Variants in CDIN1 observed in about 807,000 individuals in gnomAD.
CDIN1 encodes the protein CDAN1 interacting nuclease 1.
Under a neutral mutation model 45.3 loss-of-function variants are expected in CDIN1, and 33 were observed. The observed-to-expected ratio is 0.73, with a 90% confidence interval of 0.55 to 0.97. CDIN1 has a LOEUF of 0.97. CDIN1 is among the 50% of genes least tolerant of loss of function. The pLI is 0.00. For missense variants in CDIN1, 303 were observed against 339.4 expected, an observed-to-expected ratio of 0.89 and a Z score of 0.84; for synonymous variants, 118 against 124.4, an observed-to-expected ratio of 0.95 and a Z score of 0.34.
At chr15:36,802,806 T>A (rs933678495) in intron 10 of CDIN1, among the ~76,000 whole-genome samples, 5 of 152,176 alleles carry the variant, frequency 3.3e-5, no homozygotes, top group African/African-American at 1.2e-4. Context: ...CTGTCCAACA[T>A]TCGCAATCTG....
At chr15:36,661,469 C>T (rs990979451) in intron 5 of CDIN1, among the ~76,000 whole-genome samples, 1 of 151,890 alleles carries the variant, frequency 6.6e-6, no homozygotes, top group Non-Finnish European at 1.5e-5. Flanking sequence ...ATTTAAGTGT[C>T]AAAGTATCAA....
At position 36,781,620 on chromosome 15, in the gene CDIN1, G is replaced by T. The variant is rs118012483; in HGVS notation, c.717-26704G>T. Among the ~76,000 whole-genome samples, 11 of 152,342 alleles carry T rather than the reference G, an allele frequency of 7.2e-5. No individual in the cohort carries two copies. The East Asian group carries it at 1.9e-3, about 27-fold the overall frequency. ...TTTTGAAAATAAAACAGTAATAAGA[G>T]ATTTAGCACAGATATCCTTTTCAGT... On this transcript the variant is annotated intron_variant, in intron 10 of 10. Coordinates refer to ENST00000566621, the MANE Select transcript of CDIN1 (RefSeq NM_001321759.2).
chr15:36,686,057 T>C (rs2042030750), intron 5 of CDIN1, among the ~76,000 whole-genome samples: 1 of 151,954 alleles, frequency 6.6e-6, no homozygotes, highest in Non-Finnish European at 1.5e-5. Context: ...ATCCCATTAC[T>C]GGGTATATAC....
chr15:36,760,739 T>C (rs2053738634), intron 10 of CDIN1, among the ~76,000 whole-genome samples: 1 of 152,176 alleles, frequency 6.6e-6, no homozygotes, highest in Non-Finnish European at 1.5e-5. Context: ...CTGGTGGTGG[T>C]GGTGGTTGAA....
At chr15:36,639,335 G>T (rs2040016208) in intron 1 of CDIN1, among the ~76,000 whole-genome samples, 1 of 150,952 alleles carries the variant, frequency 6.6e-6, no homozygotes, top group South Asian at 2.1e-4. Context: ...GCCCAGCGTG[G>T]TGGCTCACGC....
intron 5 of CDIN1, among the ~76,000 whole-genome samples, chr15:36,667,005 T>C (rs2041273447): frequency 6.6e-6 from 1 of 152,234 alleles, no homozygotes; most frequent in East Asian, 1.9e-4. Context: ...TTAAGTGATT[T>C]GCTGCAGGTC....
chr15:36,733,157 A>G (rs913395483), intron 10 of CDIN1, among the ~76,000 whole-genome samples: 9 of 152,072 alleles, frequency 5.9e-5, no homozygotes, highest in African/African-American at 2.2e-4. Context: ...TTATATTTTA[A>G]GCTTTGTTTT....
At chr15:36,803,675 G>A (rs2055125239) in intron 10 of CDIN1, among the ~76,000 whole-genome samples, 1 of 152,180 alleles carries the variant, frequency 6.6e-6, no homozygotes. Context: ...ATTGTCCTAA[G>A]TCTGCACTTG....
At chr15:36,763,294 T>C (rs988971088) in intron 10 of CDIN1, among the ~76,000 whole-genome samples, 16 of 152,236 alleles carry the variant, frequency 1.1e-4, no homozygotes, top group Non-Finnish European at 2.2e-4. Context: ...ATGTCTTCTT[T>C]TGAGAAGTGT....
intron 1 of CDIN1, among the ~76,000 whole-genome samples, chr15:36,601,791 G>T (rs1451554008): frequency 6.6e-6 from 1 of 152,218 alleles, no homozygotes; most frequent in African/African-American, 2.4e-5. Flanking sequence ...CACAGTGCTA[G>T]TGAGCTCTAC....
Position 36,798,860 on chromosome 15 carries a change from G to C in CDIN1, c.717-9464G>C, listed in dbSNP as rs962138667. 3 of 152,278 alleles carry C rather than the reference G, an allele frequency of 2.0e-5. 1 individual carries two copies. The South Asian group carries it at 6.2e-4, about 32-fold the overall frequency. 9.4% of individuals were successfully genotyped at this position (152,278 alleles called of 1,614,324 possible). A position where few individuals can be genotyped will look rare whatever the true frequency, so the allele number is the denominator to read the frequency against. ...CTAATTTCTAATATTCAGAAAGTTAGTTAGAAATGGAAAGTTCAGAAATCA... is the reference window on the plus strand; with the variant it reads ...CTAATTTCTAATATTCAGAAAGTTACTTAGAAATGGAAAGTTCAGAAATCA... On this transcript the variant is annotated intron_variant, in intron 10 of 10. Transcript: ENST00000566621.
intron 10 of CDIN1, among the ~76,000 whole-genome samples, chr15:36,788,180 C>A (rs2054555873): frequency 7.3e-6 from 1 of 136,076 alleles, no homozygotes; most frequent in South Asian, 2.3e-4. Context: ...GCAATGGCAC[C>A]ATCTCGGCTT....
intron 1 of CDIN1, among the ~76,000 whole-genome samples, chr15:36,609,721 G>A (rs2038558354): frequency 1.3e-5 from 2 of 152,228 alleles, no homozygotes; most frequent in African/African-American, 4.8e-5. Flanking sequence ...AGGAGGTCTG[G>A]CTTCCAAAGC....
chr15:36,761,675 C>T lies in CDIN1; in HGVS notation c.717-46649C>T, dbSNP rs1483708241. Among the ~76,000 whole-genome samples the T allele has an allele frequency of 2.0e-5, 3 of 152,346 alleles. No homozygotes were observed. In the East Asian group the frequency reaches 5.8e-4, roughly 29 times the overall value. On this transcript the variant is annotated intron_variant, in intron 10 of 10. Transcript: ENST00000566621. ...TGACACCGCAACGAAAGCACTTCAT[C>T]ATCTCTTGCCGATCCTGCTTTCATG...
chr15:36,655,933 G>A (rs761795724), intron 4 of CDIN1, among the ~76,000 whole-genome samples: 16 of 152,062 alleles, frequency 1.1e-4, no homozygotes, highest in Admixed American at 2.0e-4. Flanking sequence ...CTAGTAATAT[G>A]GAAAAATTTA....
intron 1 of CDIN1, chr15:36,627,327 T>C (rs1449414214): frequency 6.2e-6 from 1 of 161,230 alleles, no homozygotes; most frequent in African/African-American, 2.4e-5. Flanking sequence ...GTGTGACAGG[T>C]AGACCAGTGA....
At chr15:36,711,185 C>G (rs1171259366) in intron 10 of CDIN1, among the ~76,000 whole-genome samples, 3 of 151,886 alleles carry the variant, frequency 2.0e-5, no homozygotes, top group African/African-American at 7.3e-5. Context: ...GTAAAGAAAG[C>G]ATCATTTTTG....
chr15:36,798,025 CAA>C (rs11307856), intron 10 of CDIN1, among the ~76,000 whole-genome samples: 310 of 93,534 alleles, frequency 3.3e-3, no homozygotes, highest in African/African-American at 4.5e-3. Flanking sequence ...GAGTTATTAG[CAA>C]AAAAAAAAAA....
intron 8 of CDIN1, chr15:36,706,455 A>T (rs1472782944): frequency 6.6e-6 from 1 of 152,122 alleles, no homozygotes; most frequent in Non-Finnish European, 1.5e-5. Flanking sequence ...TCTACTAAAA[A>T]TACAAAAATT....
Sources: allele counts gnomAD v4.1 joint callset (sites outside exome capture counted in the v4.1 genomes callset), GRCh38; gene constraint gnomAD v4.1.1; transcripts MANE v1.5; gene names NCBI Gene and HGNC (gene_info 2026-07-23, HGNC 2026-07-21).